B4GALT2: variants seen among roughly 807,000 people sequenced by gnomAD.
B4GALT2 encodes N-acetyllactosamine synthase.
In B4GALT2, 18 loss-of-function variants were observed where a neutral mutation model predicts 33.2. The ratio of observed to expected loss-of-function variants is 0.54; its 90% CI spans 0.38 to 0.80. The LOEUF (loss-of-function observed/expected upper bound fraction) is 0.80, where lower values mean the gene tolerates loss of function less well. B4GALT2 is among the 30% of genes least tolerant of loss of function. B4GALT2 has a pLI of 0.00. For synonymous variants in B4GALT2, 214 were observed against 217.6 expected, an observed-to-expected ratio of 0.98 and a Z score of 0.15; for missense variants, 404 against 526.2, an observed-to-expected ratio of 0.77 and a Z score of 2.27.
At chr1:43,983,705 G>A (rs550693434) in intron 3 of B4GALT2, among the ~76,000 whole-genome samples, 1 of 152,324 alleles carries the variant, frequency 6.6e-6, no homozygotes, top group South Asian at 2.1e-4. Flanking sequence ...GTTGGGAGAG[G>A]ATTGAGCATG....
At position 43,981,879 on chromosome 1, in the gene B4GALT2, C is replaced by T. The variant is rs35324782; in HGVS notation, c.504C>T (p.Ile168=). The change falls in exon 3 of 7, where the codon ATC becomes ATT. Residue 168 remains isoleucine (I), a synonymous_variant. Coordinates refer to ENST00000372324, the MANE Select transcript of B4GALT2 (RefSeq NM_003780.5). This position sits in a 1 kb window ranked among gnomAD's most constrained non-coding sequence, Gnocchi z 8.1. The stretch of plus-strand genomic sequence containing the variant: ...ACTGGCTCCACTATCTACACCCCAT[C>T]TTGAGGCGGCAGCGGCTGCGCTACG... ...LRYWLHYLHP[I]LRRQRLRYGV... is the part of the protein sequence containing the mutation. The T allele has an allele frequency of 1.1e-5, 18 of 1,613,868 alleles. No individual in the cohort carries two copies. In the African/African-American group the frequency reaches 2.0e-4, roughly 18 times the overall value.
intron 6 of B4GALT2, among the ~76,000 whole-genome samples, chr1:43,989,221 C>T (rs1228326372): frequency 6.7e-6 from 1 of 149,596 alleles, no homozygotes; most frequent in Non-Finnish European, 1.5e-5. Context: ...TGGCAGGCAT[C>T]TGTAATCCCA....
At position 43,990,795 on chromosome 1, in the gene B4GALT2, C is replaced by G. The variant is rs2085724371; in HGVS notation, c.*347C>G. ...CACCTCTCTGTGCCTCAGTTTCCCC[C>G]CCTTGAGTCCCCTAGGGCCTGGAAG... On this transcript the variant is annotated 3_prime_UTR_variant, in exon 7 of 7. Coordinates refer to ENST00000372324, the MANE Select transcript of B4GALT2 (RefSeq NM_003780.5). The G allele has an allele frequency of 3.3e-6, 1 of 300,026 alleles. No homozygotes were observed. Among genetic ancestry groups the G allele is most frequent in the South Asian group, 4.3e-5 (1 of 22,994 alleles). 18.6% of individuals were successfully genotyped at this position (300,026 alleles called of 1,614,324 possible). A position where few individuals can be genotyped will look rare whatever the true frequency, so the allele number is the denominator to read the frequency against.
rs200823220 is a variant in B4GALT2 at position 43,981,837 on chromosome 1, G to T, written c.462G>T (p.Arg154=). Residue 154 remains arginine, a synonymous_variant, in exon 3 of 7, where the codon CGG becomes CGT. Coordinates refer to ENST00000372324, the MANE Select transcript of B4GALT2 (RefSeq NM_003780.5). This position sits in a 1 kb window ranked among gnomAD's most constrained non-coding sequence, Gnocchi z 8.1. ...TVAVIIPFRH[R]EHHLRYWLHY... The stretch of plus-strand genomic sequence containing the variant: ...CGGTCATCATCCCCTTTAGACACCG[G>T]GAACACCACCTGCGCTACTGGCTCC... 1.1e-5 allele frequency: 18 copies of T among 1,613,918 alleles called. No homozygotes were observed. Among genetic ancestry groups the T allele is most frequent in the Admixed American group, 1.7e-5 (1 of 60,028 alleles).
intron 1 of B4GALT2, chr1:43,980,546 C>T (rs2085582871): frequency 2.0e-6 from 2 of 994,536 alleles, no homozygotes; most frequent in African/African-American, 3.5e-5. Flanking sequence ...ATCTGAATGA[C>T]CAAACCACTT....
chr1:43,984,974 TC>T lies in B4GALT2; in HGVS notation c.663del (p.Met222TrpfsTer39). Reference sequence around the variant, plus strand: ...TTCATCTTCAGCGATGTGGACCTGGTCCCCATGGATGACCGCAACCTATACC... The same window carrying T: ...TTCATCTTCAGCGATGTGGACCTGGTCCCATGGATGACCGCAACCTATACC... ...DCFIFSDVDL[V>X]PMDDRNLYRC... On this transcript the variant is annotated frameshift_variant, in exon 4 of 7. Coordinates refer to ENST00000372324, the MANE Select transcript of B4GALT2 (RefSeq NM_003780.5). LOFTEE classifies it high-confidence loss of function. The surrounding 1 kb of genome is among the most constrained non-coding windows in gnomAD (Gnocchi z 5.6). The T allele has an allele frequency of 1.2e-6, 2 of 1,613,764 alleles. No individual in the cohort carries two copies. The highest frequency in any genetic ancestry group is 8.5e-7 in the Non-Finnish European group (1 of 1,179,974).
At chr1:43,983,624 T>A (rs956539936) in intron 3 of B4GALT2, among the ~76,000 whole-genome samples, 17 of 151,914 alleles carry the variant, frequency 1.1e-4, no homozygotes, top group South Asian at 2.1e-4. Flanking sequence ...GACAACTCTT[T>A]AAAAAAAAAT....
At position 43,985,592 on chromosome 1, in the gene B4GALT2, C is replaced by T. The variant is rs746554871; in HGVS notation, c.939C>T (p.Arg313=). 5.0e-5 allele frequency: 80 copies of T among 1,613,874 alleles called. No homozygotes were observed. The highest frequency in any genetic ancestry group is 3.3e-5 in the South Asian group (3 of 91,080). Residue 313 remains arginine, a synonymous_variant, in exon 6 of 7, where the codon CGC becomes CGT. Transcript: ENST00000372324. The part of the protein sequence containing the change: ...IGRYRMIKHD[R]DKHNEPNPQR... ...GCTACCGCATGATCAAGCACGACCG[C>T]GACAAGCATAACGAACCTAACCCTC... is the stretch of plus-strand genomic sequence containing the variant.
chr1:43,986,909 C>T (rs974038109), intron 6 of B4GALT2, among the ~76,000 whole-genome samples: 1 of 152,124 alleles, frequency 6.6e-6, no homozygotes. Context: ...GGTACAGGGC[C>T]TGGGGATGGA....
In B4GALT2 at chr1:43,981,922, C is replaced by T; in HGVS notation, c.547C>T (p.Gln183Ter). 1 of 1,613,536 alleles carries T rather than the reference C, an allele frequency of 6.2e-7. No individual in the cohort carries two copies. The highest frequency in any genetic ancestry group is 8.5e-7 in the Non-Finnish European group (1 of 1,179,822). ...RLRYGVYVIN[Q>*]HGEDTFNRAK... Reference sequence around the variant, plus strand: ...GCGCTACGGCGTCTATGTCATCAACCAGGTGCCCATGCGGGGGTCCATGTG... The same window carrying T: ...GCGCTACGGCGTCTATGTCATCAACTAGGTGCCCATGCGGGGGTCCATGTG... Residue 183 changes from glutamine (Q) to a stop codon, truncating the protein, a stop_gained and splice_region_variant, in exon 3 of 7, where the codon CAG becomes TAG. Transcript: ENST00000372324. LOFTEE classifies it high-confidence loss of function. This position sits in a 1 kb window ranked among gnomAD's most constrained non-coding sequence, Gnocchi z 8.1.
intron 6 of B4GALT2, 148 bp downstream of exon 6, chr1:43,985,769 T>A (rs1407652844): frequency 2.8e-6 from 2 of 706,518 alleles, no homozygotes. Flanking sequence ...GTGCCACTGA[T>A]TCCCTGATGT....
intron 6 of B4GALT2, among the ~76,000 whole-genome samples, chr1:43,990,088 G>A (rs149093079): frequency 2.9e-3 from 446 of 152,198 alleles, no homozygotes; most frequent in African/African-American, 1.0e-2. Context: ...CGTTAATGCT[G>A]GTCATTTGTT....
At chr1:43,987,843 T>G (rs1215250425) in intron 6 of B4GALT2, among the ~76,000 whole-genome samples, 1 of 152,192 alleles carries the variant, frequency 6.6e-6, no homozygotes, top group Non-Finnish European at 1.5e-5. Context: ...GTTTAGCCAC[T>G]CAGCTGTGCA....
At position 43,982,000 on chromosome 1, in the gene B4GALT2, G is replaced by C. The variant is rs538251141; in HGVS notation, c.549+76G>C. ...GGCGTTTGTGGGTCCTTGTCTGCCC[G>C]TGTGGATATGTGGATGGACCTGGGC... is the stretch of plus-strand genomic sequence containing the variant. On this transcript the variant is annotated intron_variant, in intron 3 of 6. Transcript: ENST00000372324. This position sits in a 1 kb window ranked among gnomAD's most constrained non-coding sequence, Gnocchi z 8.1. 1.4e-6 allele frequency: 2 copies of C among 1,419,220 alleles called. No homozygotes were observed. The highest frequency in any genetic ancestry group is 2.0e-6 in the Non-Finnish European group (2 of 1,025,336). The allele number at this position is 1,419,220 out of a possible 1,614,324, so 87.9% of individuals were successfully genotyped here.
At position 43,985,370 on chromosome 1, in the gene B4GALT2, G is replaced by T. The variant is rs2085644583; in HGVS notation, c.833G>T (p.Trp278Leu). The T allele has an allele frequency of 6.2e-7, 1 of 1,611,756 alleles. No individual in the cohort carries two copies. Among genetic ancestry groups the T allele is most frequent in the Admixed American group, 1.7e-5 (1 of 59,848 alleles). The change falls in exon 5 of 7, where the codon TGG becomes TTG. Residue 278 changes from tryptophan (W) to leucine (L), a missense_variant. Trp to Leu is a moderately conservative substitution (Grantham distance 61). Transcript: ENST00000372324. Reference protein sequence around the residue: ...INGFPNEYWGWGGEDDDIFNR... With the variant: ...INGFPNEYWGLGGEDDDIFNR... ...GGCTTCCCCAATGAGTACTGGGGCT[G>T]GGGTGGCGAGGATGATGACATCTTC...
chr1:43,980,987 G>A (rs967149594), intron 1 of B4GALT2, 122 bp from the exon 2 acceptor site: 1 of 1,311,096 alleles, frequency 7.6e-7, no homozygotes, highest in Non-Finnish European at 1.0e-6. Context: ...AGTGTGAAAG[G>A]GTATGAGCAG....
intron 6 of B4GALT2, among the ~76,000 whole-genome samples, chr1:43,989,515 G>A (rs1485905702): frequency 6.6e-6 from 1 of 152,202 alleles, no homozygotes; most frequent in African/African-American, 2.4e-5. Context: ...TGGTCAACAG[G>A]TTACTGGAGG....
At chr1:43,980,668 T>G in intron 1 of B4GALT2, 1 of 867,690 alleles carries the variant, frequency 1.2e-6, no homozygotes, top group Non-Finnish European at 1.4e-6. Context: ...GAGTTCTGGG[T>G]TAAGGATGCT....
chr1:43,981,625 G>A lies in B4GALT2; in HGVS notation c.314-64G>A. On this transcript the variant is annotated intron_variant, in intron 2 of 6. Coordinates refer to ENST00000372324, the MANE Select transcript of B4GALT2 (RefSeq NM_003780.5). This position sits in a 1 kb window ranked among gnomAD's most constrained non-coding sequence, Gnocchi z 8.1. ...TTCCCTAGCCCACCCCCAGGCTGAGGGTGGGGGCTGGTATCTGTGGATTCT... is the reference window on the plus strand; with the variant it reads ...TTCCCTAGCCCACCCCCAGGCTGAGAGTGGGGGCTGGTATCTGTGGATTCT... 6.4e-7 allele frequency: 1 copy of A among 1,550,734 alleles called. No homozygotes were observed. The highest frequency in any genetic ancestry group is 1.8e-5 in the Admixed American group (1 of 54,676).
Sources: allele counts gnomAD v4.1 joint callset (sites outside exome capture counted in the v4.1 genomes callset), GRCh38; gene constraint gnomAD v4.1.1; non-coding constraint Gnocchi (gnomAD v3.1); transcripts MANE v1.5; gene names NCBI Gene and HGNC (gene_info 2026-07-23, HGNC 2026-07-21).